The following MARCHF1 variants were observed in gnomAD, a reference collection of about 807,000 sequenced individuals.
The protein encoded by MARCHF1 is E3 ubiquitin-protein ligase MARCHF1.
MARCHF1 carries 40 observed loss-of-function variants against 54.2 expected under a neutral mutation model. The ratio of observed to expected loss-of-function variants is 0.74; its 90% CI spans 0.57 to 0.96. The LOEUF (loss-of-function observed/expected upper bound fraction) is 0.96. Ranked by LOEUF, MARCHF1 falls within the 40% of genes least tolerant of loss-of-function variation. The pLI is 0.00. For missense variants in MARCHF1, 586 were observed against 656.5 expected (o/e 0.89, Z 1.17); for synonymous variants, 236 against 236.3 (o/e 1.00, Z 0.01).
intron 1 of MARCHF1, among the ~76,000 whole-genome samples, chr4:164,185,410 C>G (rs1204483101): frequency 6.6e-6 from 1 of 152,188 alleles, no homozygotes; most frequent in Non-Finnish European, 1.5e-5. Flanking sequence ...TCTTTCCACA[C>G]TTAACCAGTC....
chr4:163,699,348 C>G (rs972037209), intron 5 of MARCHF1, among the ~76,000 whole-genome samples: 3 of 152,164 alleles, frequency 2.0e-5, no homozygotes, highest in Non-Finnish European at 4.4e-5. Flanking sequence ...GGCAGGCATG[C>G]TTACTCTTAT....
At chr4:163,555,899 C>T (rs1335692070) in intron 8 of MARCHF1, 5 of 455,990 alleles carry the variant, frequency 1.1e-5, no homozygotes, top group African/African-American at 6.0e-5. Flanking sequence ...GGTCTGTGGT[C>T]ACTCTCTGTG....
intron 2 of MARCHF1, among the ~76,000 whole-genome samples, chr4:164,085,967 TGGG>T (rs1001900747): frequency 2.0e-5 from 3 of 151,596 alleles, no homozygotes; most frequent in African/African-American, 7.2e-5. Flanking sequence ...TGTACAGAAA[TGGG>T]GGGGTTATAA....
At chr4:164,369,432 T>C (rs908921590) in intron 1 of MARCHF1, among the ~76,000 whole-genome samples, 1 of 152,178 alleles carries the variant, frequency 6.6e-6, no homozygotes, top group African/African-American at 2.4e-5. Flanking sequence ...TGCCACTTAC[T>C]AGCTCTATGG....
intron 7 of MARCHF1, among the ~76,000 whole-genome samples, chr4:163,597,654 GATTAT>G (rs1233098892): frequency 6.6e-6 from 1 of 151,920 alleles, no homozygotes; most frequent in Non-Finnish European, 1.5e-5. Flanking sequence ...AAAATACAAA[GATTAT>G]ATTTTTCTAA....
chr4:163,573,223 T>C (rs752592111), intron 8 of MARCHF1, among the ~76,000 whole-genome samples: 119 of 152,078 alleles, frequency 7.8e-4, no homozygotes, highest in Non-Finnish European at 1.6e-3. Flanking sequence ...TAGAGTTTTG[T>C]AGGACTAGAA....
At chr4:164,147,265 C>T (rs1050685276) in intron 1 of MARCHF1, among the ~76,000 whole-genome samples, 23 of 147,590 alleles carry the variant, frequency 1.6e-4, no homozygotes, top group Middle Eastern at 3.5e-3. Flanking sequence ...GTCAGTGTGG[C>T]GATTCCTCAG....
chr4:163,713,740 C>T (rs1745177473), intron 4 of MARCHF1, among the ~76,000 whole-genome samples: 1 of 152,094 alleles, frequency 6.6e-6, no homozygotes, highest in Non-Finnish European at 1.5e-5. Context: ...TAGATCTCAC[C>T]TATGGATAGT....
At chr4:164,059,279 TATTTCCAGGCATTG>T (rs1272010926) in intron 2 of MARCHF1, among the ~76,000 whole-genome samples, 2 of 152,202 alleles carry the variant, frequency 1.3e-5, no homozygotes, top group East Asian at 3.9e-4. Flanking sequence ...TTCCAAGACA[TATTTCCAGGCATTG>T]ATTCAGTTTG....
At chr4:163,557,306 CTTTG>C (rs1010747233) in intron 8 of MARCHF1, among the ~76,000 whole-genome samples, 6 of 152,264 alleles carry the variant, frequency 3.9e-5, no homozygotes, top group South Asian at 2.1e-4. Flanking sequence ...CAATATTCAA[CTTTG>C]TTTAATTATT....
intron 3 of MARCHF1, among the ~76,000 whole-genome samples, chr4:163,899,455 C>T (rs572748538): frequency 6.6e-6 from 1 of 152,266 alleles, no homozygotes. Flanking sequence ...TTCCCTCCTA[C>T]TTCTTTGTGT....
At chr4:163,676,982 T>C (rs2111150384) in intron 5 of MARCHF1, among the ~76,000 whole-genome samples, 1 of 151,520 alleles carries the variant, frequency 6.6e-6, no homozygotes, top group Middle Eastern at 3.4e-3. Context: ...AAGGCAAAAA[T>C]ATCACATGAG....
chr4:163,922,455 G>T (rs1751452735), intron 3 of MARCHF1, among the ~76,000 whole-genome samples: 1 of 151,838 alleles, frequency 6.6e-6, no homozygotes, highest in South Asian at 2.1e-4. Flanking sequence ...CTATTGTACA[G>T]TGAGTCACAT....
chr4:164,040,981 A>T (rs964032649), intron 2 of MARCHF1, among the ~76,000 whole-genome samples: 1 of 152,080 alleles, frequency 6.6e-6, no homozygotes, highest in Non-Finnish European at 1.5e-5. Flanking sequence ...GTTCACTACT[A>T]CCTTTCCTAA....
At chr4:164,153,932 G>A (rs1468550615) in intron 1 of MARCHF1, among the ~76,000 whole-genome samples, 1 of 152,130 alleles carries the variant, frequency 6.6e-6, no homozygotes, top group Non-Finnish European at 1.5e-5. Flanking sequence ...GACAGATTCA[G>A]AAATAGCTTT....
At chr4:163,582,612 CA>C (rs1579083473) in intron 8 of MARCHF1, among the ~76,000 whole-genome samples, 3 of 152,154 alleles carry the variant, frequency 2.0e-5, no homozygotes, top group Admixed American at 2.0e-4. Context: ...AGAAATTCAA[CA>C]TCATTAGCTA....
At chr4:163,727,330 C>A (rs561136835) in intron 4 of MARCHF1, among the ~76,000 whole-genome samples, 2 of 145,216 alleles carry the variant, frequency 1.4e-5, no homozygotes, top group Non-Finnish European at 3.0e-5. Flanking sequence ...TTTTTTTTGA[C>A]GGAGTCTCGC....
At chr4:164,311,032 A>C (rs1734836770) in intron 1 of MARCHF1, among the ~76,000 whole-genome samples, 1 of 152,216 alleles carries the variant, frequency 6.6e-6, no homozygotes, top group East Asian at 1.9e-4. Flanking sequence ...AATTCCAAGG[A>C]AAATAAAAAG....
intron 3 of MARCHF1, among the ~76,000 whole-genome samples, chr4:163,895,127 A>ACAAG (rs1750778263): frequency 6.6e-6 from 1 of 152,146 alleles, no homozygotes. Flanking sequence ...GTCGATTTCT[A>ACAAG]CAAGCATGCA....
Sources: allele counts gnomAD v4.1 joint callset (sites outside exome capture counted in the v4.1 genomes callset), GRCh38; gene constraint gnomAD v4.1.1; transcripts MANE v1.5; gene names NCBI Gene and HGNC (gene_info 2026-07-23, HGNC 2026-07-21).